The following RBFOX1 variants were observed in gnomAD, a reference collection of about 807,000 sequenced individuals.
The protein encoded by RBFOX1 is RNA binding fox-1 homolog 1.
Under a neutral mutation model 57.7 loss-of-function variants are expected in RBFOX1, and 8 were observed. The observed-to-expected ratio is 0.14, with a 90% CI of 0.08 to 0.25. The LOEUF (loss-of-function observed/expected upper bound fraction) is 0.25, where lower values mean the gene tolerates loss of function less well. RBFOX1 is among the 10% of genes least tolerant of loss of function. The probability of loss-of-function intolerance (pLI) is 1.00; values close to 1 mark genes in which losing one functional copy is unlikely to be tolerated. For synonymous variants in RBFOX1, 326 were observed against 222.4 expected (o/e 1.47, Z -4.15); for missense variants, 611 against 548.5 (o/e 1.11, Z -1.14).
chr16:6,350,444 G>GAAAAA (rs569363563), intron 2 of RBFOX1, among the ~76,000 whole-genome samples: 4 of 74,666 alleles, frequency 5.4e-5, no homozygotes, highest in African/African-American at 1.1e-4. Flanking sequence ...TCTGTCTCAA[G>GAAAAA]AAAAAAAAAA....
chr16:7,002,728 C>G (rs140006670), intron 3 of RBFOX1, among the ~76,000 whole-genome samples: 4 of 151,966 alleles, frequency 2.6e-5, no homozygotes, highest in Non-Finnish European at 5.9e-5. Context: ...AAGAAACAAA[C>G]AAAAAACTAT....
chr16:5,874,991 C>G (rs1001936084), intron 4 of RBFOX1, among the ~76,000 whole-genome samples: 1 of 152,014 alleles, frequency 6.6e-6, no homozygotes, highest in Non-Finnish European at 1.5e-5. Context: ...AGAGGCAGAA[C>G]TAGAGGTTAG....
intron 3 of RBFOX1, chr16:6,983,646 T>C (rs902802713): frequency 6.6e-6 from 1 of 152,170 alleles, no homozygotes; most frequent in African/African-American, 2.4e-5. Context: ...CAGGCTTAAT[T>C]ATAAATCTCT....
chr16:7,370,952 C>A (rs1340562235), intron 4 of RBFOX1, among the ~76,000 whole-genome samples: 1 of 152,104 alleles, frequency 6.6e-6, no homozygotes, highest in Non-Finnish European at 1.5e-5. Flanking sequence ...TGCATGGTGA[C>A]CCCAGAAGCA....
chr16:5,652,506 C>T (rs2049273554), intron 3 of RBFOX1, among the ~76,000 whole-genome samples: 1 of 152,136 alleles, frequency 6.6e-6, no homozygotes, highest in African/African-American at 2.4e-5. Context: ...AGTCTTTGTG[C>T]AACAGGAGGG....
intron 4 of RBFOX1, among the ~76,000 whole-genome samples, chr16:7,130,574 G>T (rs531755415): frequency 9.8e-5 from 15 of 152,314 alleles, no homozygotes; most frequent in East Asian, 5.8e-4. Flanking sequence ...CAGTGAGTCA[G>T]TGTGCAAATA....
intron 2 of RBFOX1, among the ~76,000 whole-genome samples, chr16:6,443,730 T>A (rs1031964308): frequency 6.6e-6 from 1 of 152,162 alleles, no homozygotes; most frequent in Non-Finnish European, 1.5e-5. Flanking sequence ...AATTTGTTCA[T>A]CCAGCCATCT....
intron 4 of RBFOX1, among the ~76,000 whole-genome samples, chr16:7,241,822 T>C (rs2094079130): frequency 6.6e-6 from 1 of 151,976 alleles, no homozygotes; most frequent in African/African-American, 2.4e-5. Flanking sequence ...TATACATATA[T>C]GTTTATACAT....
chr16:5,284,525 G>T (rs1296984141), intron 1 of RBFOX1, among the ~76,000 whole-genome samples: 1 of 150,820 alleles, frequency 6.6e-6, no homozygotes, highest in African/African-American at 2.4e-5. Flanking sequence ...TTGCTTATCT[G>T]GGAAATATTT....
intron 3 of RBFOX1, among the ~76,000 whole-genome samples, chr16:7,032,155 T>C (rs2042963685): frequency 1.3e-5 from 2 of 152,112 alleles, no homozygotes; most frequent in Admixed American, 1.3e-4. Flanking sequence ...CGGGGTGCGG[T>C]GGCCCACACC....
At chr16:7,299,903 C>T (rs903062388) in intron 4 of RBFOX1, among the ~76,000 whole-genome samples, 1 of 152,150 alleles carries the variant, frequency 6.6e-6, no homozygotes, top group Non-Finnish European at 1.5e-5. Context: ...ATGTTTTCGA[C>T]ATAGGATATT....
rs561540704 is a variant in RBFOX1, at chr16:5,882,744, C to T, written c.351+15409C>T. On this transcript the variant is annotated intron_variant, in intron 4 of 19. Coordinates refer to the RBFOX1 transcript ENST00000641259. ...CCCATGTGCCAGTGTTGTCCCTGGGCGGGTTAAAGACGGAATTTGACACAA... is the reference window on the plus strand; with the variant it reads ...CCCATGTGCCAGTGTTGTCCCTGGGTGGGTTAAAGACGGAATTTGACACAA... 6.2e-4 allele frequency among the ~76,000 whole-genome samples: 95 copies of T among 152,128 alleles called. 2 individuals are homozygous for T. The highest frequency in any genetic ancestry group is 3.1e-3 in the South Asian group (15 of 4,818).
chr16:6,604,765 G>C (rs1342219926), intron 2 of RBFOX1, among the ~76,000 whole-genome samples: 2 of 152,128 alleles, frequency 1.3e-5, no homozygotes, highest in South Asian at 2.1e-4. Context: ...ATGATTCCAA[G>C]ATTCTATAAT....
intron 1 of RBFOX1, among the ~76,000 whole-genome samples, chr16:6,110,086 T>C (rs2096427181): frequency 6.6e-6 from 1 of 152,178 alleles, no homozygotes; most frequent in Admixed American, 6.5e-5. Context: ...AAACAATTAA[T>C]ATATTTAATC....
At chr16:6,346,102 G>T (rs2085327357) in intron 2 of RBFOX1, among the ~76,000 whole-genome samples, 2 of 152,092 alleles carry the variant, frequency 1.3e-5, no homozygotes, top group Admixed American at 1.3e-4. Flanking sequence ...AGAATGGGAG[G>T]CAGGTTGGCC....
chr16:6,435,775 T>C (rs567171328), intron 2 of RBFOX1, among the ~76,000 whole-genome samples: 38 of 152,296 alleles, frequency 2.5e-4, no homozygotes, highest in African/African-American at 8.7e-4. Flanking sequence ...GATTGGGGTC[T>C]AGATTGTTCA....
At chr16:6,141,982 C>T (rs574519111) in intron 1 of RBFOX1, among the ~76,000 whole-genome samples, 1 of 151,510 alleles carries the variant, frequency 6.6e-6, no homozygotes, top group Admixed American at 6.6e-5. Context: ...TGGTTTCAAC[C>T]TGGGAGGTGG....
intron 2 of RBFOX1, among the ~76,000 whole-genome samples, chr16:6,444,478 TC>T (rs2094446261): frequency 6.6e-6 from 1 of 152,150 alleles, no homozygotes; most frequent in Non-Finnish European, 1.5e-5. Flanking sequence ...TGAATAAGTC[TC>T]ATGAGATCTG....
intron 4 of RBFOX1, among the ~76,000 whole-genome samples, chr16:7,350,346 C>T (rs373385867): frequency 3.4e-4 from 51 of 152,132 alleles, no homozygotes; most frequent in African/African-American, 1.1e-3. Flanking sequence ...GAGAAATGAC[C>T]GGATGGTCAG....
Sources: gnomAD v4.1 joint callset for allele counts (sites outside exome capture counted in the v4.1 genomes callset) on GRCh38, gnomAD v4.1.1 for gene constraint, MANE v1.5 for transcripts, NCBI Gene and HGNC (gene_info 2026-07-23, HGNC 2026-07-21) for gene names.